Variants in NAA35 observed in about 807,000 individuals in gnomAD.
The protein encoded by NAA35 is N-alpha-acetyltransferase 35, NatC auxiliary subunit.
In NAA35, 18 loss-of-function variants were observed where a neutral mutation model predicts 101.7. The ratio of observed to expected loss-of-function variants is 0.18; its 90% CI spans 0.12 to 0.26. The LOEUF (loss-of-function observed/expected upper bound fraction) is 0.26, where lower values mean the gene tolerates loss of function less well. NAA35 is among the 10% of genes least tolerant of loss of function. The pLI, the probability that NAA35 is intolerant of heterozygous loss-of-function variation, is 1.00. For synonymous variants in NAA35, 267 were observed against 273.1 expected, an observed-to-expected ratio of 0.98 and a Z score of 0.22; for missense variants, 601 against 886.8, an observed-to-expected ratio of 0.68 and a Z score of 4.09.
intron 14 of NAA35, among the ~76,000 whole-genome samples, chr9:86,008,201 C>T (rs1295991019): frequency 2.6e-5 from 4 of 152,144 alleles, no homozygotes; most frequent in Non-Finnish European, 5.9e-5. Context: ...TAGCTGAGAT[C>T]ACGGGTGCAT....
intron 20 of NAA35, 34 bp from the exon 21 acceptor site, chr9:86,018,665 A>G (rs1832353585): frequency 3.1e-6 from 5 of 1,595,782 alleles, no homozygotes; most frequent in Non-Finnish European, 4.3e-6. Context: ...TTCATATTAA[A>G]CGTGTTTTGA....
At chr9:85,977,022 C>A (rs1487233144) in intron 9 of NAA35, among the ~76,000 whole-genome samples, 3 of 152,058 alleles carry the variant, frequency 2.0e-5, no homozygotes, top group Non-Finnish European at 4.4e-5. Flanking sequence ...AGTTGCTGAA[C>A]CTTTGTCGAG....
intron 19 of NAA35, 40 bp downstream of exon 19, chr9:86,017,605 A>G (rs199637386): frequency 2.0e-6 from 3 of 1,506,280 alleles, no homozygotes; most frequent in African/African-American, 2.8e-5. Context: ...CCTTTTAGCT[A>G]TATCCCTATT....
chr9:85,952,279 G>A (rs530879222), intron 2 of NAA35, among the ~76,000 whole-genome samples: 2 of 146,456 alleles, frequency 1.4e-5, no homozygotes, highest in South Asian at 4.3e-4. Context: ...AATTGTGCAA[G>A]TGTTTTTTGT....
chr9:85,966,870 G>A (rs1443727347), intron 6 of NAA35, among the ~76,000 whole-genome samples: 1 of 152,226 alleles, frequency 6.6e-6, no homozygotes, highest in East Asian at 1.9e-4. Context: ...ACTTTGGGAG[G>A]CCAAGATGGG....
intron 12 of NAA35, among the ~76,000 whole-genome samples, chr9:86,002,673 T>A (rs1211258324): frequency 6.6e-6 from 1 of 152,204 alleles, no homozygotes; most frequent in East Asian, 1.9e-4. Flanking sequence ...GATTGCATAG[T>A]GAAATTCTTG....
At chr9:86,001,158 A>G (rs1296235651) in intron 12 of NAA35, among the ~76,000 whole-genome samples, 1 of 152,166 alleles carries the variant, frequency 6.6e-6, no homozygotes, top group Non-Finnish European at 1.5e-5. Context: ...AAAGGCATTC[A>G]GGAGGATGTT....
At chr9:85,978,636 T>C (rs990663277) in intron 11 of NAA35, among the ~76,000 whole-genome samples, 35 of 152,124 alleles carry the variant, frequency 2.3e-4, no homozygotes, top group African/African-American at 8.5e-4. Context: ...GCTGTGATGT[T>C]ACAGTCTGGC....
At chr9:85,968,097 ACT>A (rs1324904105) in intron 6 of NAA35, among the ~76,000 whole-genome samples, 1 of 152,006 alleles carries the variant, frequency 6.6e-6, no homozygotes, top group Non-Finnish European at 1.5e-5. Context: ...GAATCGGGGC[ACT>A]GTTTTTTCTC....
chr9:85,951,538 A>G (rs1052746300), intron 2 of NAA35, among the ~76,000 whole-genome samples: 3 of 152,202 alleles, frequency 2.0e-5, no homozygotes, highest in African/African-American at 2.4e-5. Context: ...ATTAAAATTC[A>G]TTGCTCTTTC....
In NAA35 at chr9:85,996,437, C is replaced by A; in HGVS notation, c.916C>A (p.Gln306Lys). Residue 306 changes from glutamine to lysine, a missense_variant, in exon 12 of 23, where the codon CAG becomes AAG. By Grantham distance (53) the Gln-to-Lys change is moderately conservative. This residue lies in a region of NAA35 where 190 missense variants were observed against 223.1 expected (regional missense o/e 0.85). Coordinates refer to ENST00000361671, the MANE Select transcript of NAA35 (RefSeq NM_024635.4). ...IMMGFEPLVN[Q>K]RLLPPTFPRY... is the part of the protein sequence containing the mutation. ...GATGGGTTTTGAACCCCTTGTGAAC[C>A]AGAGGCTACTTCCACCTACCTTCCC... The A allele has an allele frequency of 6.2e-7, 1 of 1,606,376 alleles. No homozygotes were observed. The highest frequency in any genetic ancestry group is 8.5e-7 in the Non-Finnish European group (1 of 1,177,844).
intron 15 of NAA35, among the ~76,000 whole-genome samples, chr9:86,010,983 C>G (rs967038185): frequency 2.0e-5 from 3 of 151,566 alleles, no homozygotes; most frequent in African/African-American, 7.3e-5. Context: ...TGGCTCACGC[C>G]TGTAATCCCA....
At chr9:85,980,372 TC>T (rs1334677083) in intron 11 of NAA35, among the ~76,000 whole-genome samples, 6 of 147,786 alleles carry the variant, frequency 4.1e-5, no homozygotes, top group Admixed American at 4.0e-4. Flanking sequence ...GGCTGAAAGT[TC>T]CAGCCTTGTA....
chr9:85,960,919 T>C (rs1490696718), intron 5 of NAA35, among the ~76,000 whole-genome samples: 1 of 152,174 alleles, frequency 6.6e-6, no homozygotes, highest in African/African-American at 2.4e-5. Context: ...AAAGAGGGTA[T>C]ATTGCATGGG....
At chr9:85,991,311 G>T (rs1382321818) in intron 11 of NAA35, among the ~76,000 whole-genome samples, 1 of 152,110 alleles carries the variant, frequency 6.6e-6, no homozygotes, top group African/African-American at 2.4e-5. Flanking sequence ...CATGGAGGTG[G>T]TTGTGTGCAG....
rs781468256 is a variant in NAA35, at chr9:86,023,369, A to C, written c.*1409A>C. On this transcript the variant is annotated 3_prime_UTR_variant, in exon 23 of 23. Transcript: ENST00000361671. ...ACTGTTTCTGGCTGGTAATTACTGA[A>C]TGCTTTAAACAAAAAAAGGCAAAGG... is the stretch of plus-strand genomic sequence containing the variant. 4.1e-4 allele frequency among the ~76,000 whole-genome samples: 63 copies of C among 152,214 alleles called. 1 individual carries two copies. Among genetic ancestry groups the C allele is most frequent in the Non-Finnish European group, 8.8e-5 (6 of 68,032 alleles).
At chr9:85,977,144 A>C (rs1422802399) in intron 9 of NAA35, among the ~76,000 whole-genome samples, 7 of 152,152 alleles carry the variant, frequency 4.6e-5, no homozygotes, top group Non-Finnish European at 1.0e-4. Context: ...GGACAAGATC[A>C]GTGCTGTTGA....
intron 11 of NAA35, among the ~76,000 whole-genome samples, chr9:85,995,418 A>C (rs184598844): frequency 1.3e-5 from 2 of 152,116 alleles, no homozygotes; most frequent in East Asian, 3.9e-4. Context: ...ATCACAATTT[A>C]TATTAGAATA....
chr9:85,996,265 TC>T, intron 11 of NAA35, 133 bp from the exon 12 acceptor site: 3 of 574,874 alleles, frequency 5.2e-6, no homozygotes, highest in Non-Finnish European at 6.0e-6. Flanking sequence ...AATTATAAAA[TC>T]TATTTAGAGG....
Sources: gnomAD v4.1 joint callset for allele counts (sites outside exome capture counted in the v4.1 genomes callset) on GRCh38, gnomAD v4.1.1 for gene constraint, gnomAD v4.1.1 regional missense constraint, MANE v1.5 for transcripts, NCBI Gene and HGNC (gene_info 2026-07-23, HGNC 2026-07-21) for gene names.